The following UAP1 variants were observed in gnomAD, a reference collection of about 807,000 sequenced individuals.
UAP1 encodes the protein UDP-N-acetylglucosamine pyrophosphorylase 1.
UAP1 carries 25 observed loss-of-function variants against 58.5 expected under a neutral mutation model. That is an observed-to-expected ratio of 0.43 (90% CI 0.31 to 0.60). UAP1 has a LOEUF of 0.60. UAP1 is among the 20% of genes least tolerant of loss of function. The pLI is 0.11. For missense variants in UAP1, 575 were observed against 630.0 expected, an observed-to-expected ratio of 0.91 and a Z score of 0.93; for synonymous variants, 208 against 213.0, an observed-to-expected ratio of 0.98 and a Z score of 0.21.
intron 4 of UAP1, among the ~76,000 whole-genome samples, chr1:162,580,695 G>C (rs1207036243): frequency 1.3e-5 from 2 of 152,166 alleles, no homozygotes; most frequent in African/African-American, 4.8e-5. Flanking sequence ...TTGTGAAGTT[G>C]TCTAATTTTT....
chr1:162,567,073 G>T (rs769077425), intron 2 of UAP1, among the ~76,000 whole-genome samples: 1 of 152,150 alleles, frequency 6.6e-6, no homozygotes, highest in African/African-American at 2.4e-5. Context: ...TTAGCTTGAT[G>T]TGCCCTTTGC....
downstream of UAP1, among the ~76,000 whole-genome samples, chr1:162,601,084 G>C (rs190920809): frequency 2.0e-5 from 3 of 152,310 alleles, no homozygotes; most frequent in East Asian, 5.8e-4. Flanking sequence ...GGGTAGTTAA[G>C]AGCAAACTCT....
At chr1:162,579,742 A>G (rs1654466870) in intron 4 of UAP1, 139 bp downstream of exon 4, 1 of 756,412 alleles carries the variant, frequency 1.3e-6, no homozygotes, top group East Asian at 2.9e-5. Context: ...GAAATGATTT[A>G]AAAAGATGAA....
At chr1:162,569,107 C>T (rs1319028002) in intron 2 of UAP1, among the ~76,000 whole-genome samples, 1 of 152,138 alleles carries the variant, frequency 6.6e-6, no homozygotes, top group African/African-American at 2.4e-5. Context: ...TTCACTTAGC[C>T]AGAAACTACC....
At chr1:162,571,428 C>T (rs769792667) in intron 2 of UAP1, among the ~76,000 whole-genome samples, 5 of 152,010 alleles carry the variant, frequency 3.3e-5, no homozygotes, top group Non-Finnish European at 7.4e-5. Flanking sequence ...TGCACCTGGC[C>T]GCTTTTTAAA....
exon 3 of UAP1, chr1:162,576,802 A>C (rs1350374109): frequency 3.1e-6 from 5 of 1,614,040 alleles, no homozygotes; most frequent in Non-Finnish European, 4.2e-6. Context: ...CTCAGAATAA[A>C]GTAGCAGTTC....
At chr1:162,587,584 G>A (rs191643639) in exon 6 of UAP1, 2 of 1,614,164 alleles carry the variant, frequency 1.2e-6, no homozygotes, top group Admixed American at 3.3e-5. Context: ...GCTCAAAAAC[G>A]AAGCTCAGAC....
chr1:162,581,895 A>G (rs953989987), intron 5 of UAP1, among the ~76,000 whole-genome samples: 1 of 152,224 alleles, frequency 6.6e-6, no homozygotes, highest in Non-Finnish European at 1.5e-5. Context: ...TAAGATAGAA[A>G]TATGCAAGTT....
chr1:162,564,017 C>T (rs1571047597), intron 1 of UAP1, among the ~76,000 whole-genome samples: 1 of 152,238 alleles, frequency 6.6e-6, no homozygotes, highest in South Asian at 2.1e-4. Flanking sequence ...AAAGCAGCAG[C>T]ATAAATAAGG....
chr1:162,570,908 G>A (rs980428767), intron 2 of UAP1, among the ~76,000 whole-genome samples: 8 of 152,080 alleles, frequency 5.3e-5, no homozygotes, highest in African/African-American at 1.9e-4. Context: ...AAGTGTATAG[G>A]AGGAACTAGT....
intron 2 of UAP1, among the ~76,000 whole-genome samples, chr1:162,576,085 G>T (rs1439701975): frequency 3.3e-5 from 5 of 152,126 alleles, no homozygotes; most frequent in Admixed American, 6.5e-5. Context: ...TACCCCAAGC[G>T]CATTCTGTTG....
At chr1:162,584,240 G>T (rs1040213890) in intron 5 of UAP1, among the ~76,000 whole-genome samples, 9 of 152,144 alleles carry the variant, frequency 5.9e-5, no homozygotes, top group African/African-American at 1.9e-4. Context: ...TTAGTCCTGT[G>T]TCTGGCATGT....
chr1:162,593,886 CTG>C (rs747910949), intron 9 of UAP1: 1 of 152,210 alleles, frequency 6.6e-6, no homozygotes, highest in Non-Finnish European at 1.5e-5. Flanking sequence ...TTTTTCCTGT[CTG>C]TGCCATTCCT....
chr1:162,595,858 A>G (rs970859825), intron 9 of UAP1, among the ~76,000 whole-genome samples: 14 of 151,876 alleles, frequency 9.2e-5, no homozygotes, highest in Admixed American at 3.3e-4. Context: ...TATTATTGTT[A>G]TTATTATTTT....
chr1:162,579,414 T>A lies in UAP1; in HGVS notation c.486-14T>A, dbSNP rs1428798181. On this transcript the variant is annotated splice_polypyrimidine_tract_variant and intron_variant, in intron 3 of 10. Transcript: ENST00000271469. ...TAGCACGGTTGCTTAGAAGATCTGA[T>A]TTTCTCTTGTAAGGTATATAATGAC... 1 of 1,474,388 alleles carries A rather than the reference T, an allele frequency of 6.8e-7. No individual in the cohort carries two copies. Among genetic ancestry groups the A allele is most frequent in the Non-Finnish European group, 9.0e-7 (1 of 1,107,408 alleles). 91.3% of individuals were successfully genotyped at this position (1,474,388 alleles called of 1,614,324 possible).
chr1:162,596,930 G>A lies in UAP1; in HGVS notation c.1410-862G>A, dbSNP rs74472501. Among the ~76,000 whole-genome samples the A allele has an allele frequency of 5.2e-3, 797 of 152,300 alleles. 7 individuals are homozygous for A. The highest frequency in any genetic ancestry group is 0.018 in the African/African-American group (762 of 41,566). On this transcript the variant is annotated intron_variant, in intron 9 of 10. Coordinates refer to ENST00000271469, the Ensembl canonical transcript of UAP1. ...ATTGACTTTTGTGTTAGATAACTTA[G>A]AAATTCAGAATTGCTGTAAATGTTA...
chr1:162,583,293 T>G (rs947997756), intron 5 of UAP1, among the ~76,000 whole-genome samples: 1 of 151,308 alleles, frequency 6.6e-6, no homozygotes, highest in Non-Finnish European at 1.5e-5. Context: ...GCTGGGATTA[T>G]AGGCACCCAC....
intron 10 of UAP1, 71 bp from the exon 11 acceptor site, chr1:162,599,200 T>C: frequency 1.1e-6 from 1 of 939,320 alleles, no homozygotes. Flanking sequence ...TAAATCATCA[T>C]TATAGCAAGT....
chr1:162,577,436 T>TC, intron 3 of UAP1, among the ~76,000 whole-genome samples: 1 of 69,202 alleles, frequency 1.4e-5, no homozygotes, highest in Non-Finnish European at 2.7e-5. Flanking sequence ...GTTCCTTCCC[T>TC]TTTTTTTTTT....
Sources: gnomAD v4.1 joint callset for allele counts (sites outside exome capture counted in the v4.1 genomes callset) on GRCh38, gnomAD v4.1.1 for gene constraint, MANE v1.5 for transcripts, NCBI Gene and HGNC (gene_info 2026-07-23, HGNC 2026-07-21) for gene names.